Variants in ERMARD observed in about 807,000 individuals in gnomAD.
ERMARD encodes endoplasmic reticulum membrane-associated RNA degradation protein.
A neutral mutation model predicts 83.9 loss-of-function variants in ERMARD; 71 were observed. That is an observed-to-expected ratio of 0.85 (90% CI 0.70 to 1.03). ERMARD has a LOEUF of 1.03. Among genes scored for constraint, ERMARD ranks in the 50% least tolerant of loss-of-function variants. The probability of loss-of-function intolerance (pLI) is 0.00; values close to 1 mark genes in which losing one functional copy is unlikely to be tolerated. For synonymous variants in ERMARD, 284 were observed against 298.6 expected, an observed-to-expected ratio of 0.95 and a Z score of 0.50; for missense variants, 838 against 810.9, an observed-to-expected ratio of 1.03 and a Z score of -0.41.
intron 16 of ERMARD, among the ~76,000 whole-genome samples, chr6:169,778,501 G>T (rs1052726849): frequency 1.3e-5 from 2 of 152,186 alleles, no homozygotes; most frequent in Non-Finnish European, 2.9e-5. Flanking sequence ...GTATATTTTA[G>T]AATGTGCTAC....
intron 12 of ERMARD, among the ~76,000 whole-genome samples, chr6:169,772,885 G>A (rs1482533191): frequency 6.8e-6 from 1 of 147,764 alleles, no homozygotes; most frequent in Non-Finnish European, 1.5e-5. Flanking sequence ...GGATTTTTAA[G>A]TTATGTGGTT....
chr6:169,776,691 T>C lies in ERMARD; in HGVS notation c.1739+18T>C, dbSNP rs79997179. 122,698 of 1,611,756 alleles carry C rather than the reference T, an allele frequency of 0.076. 4,903 individuals are homozygous for C. Among genetic ancestry groups the C allele is most frequent in the East Asian group, 0.12 (5,464 of 44,856 alleles). On this transcript the variant is annotated intron_variant, in intron 16 of 17. Coordinates refer to ENST00000366773, the MANE Select transcript of ERMARD (RefSeq NM_018341.3). ...TGGAGTAGGTGCGCGCTCACTTTCC[T>C]GTTTTGGAGGGGCACTGTGGGGCAG...
intron 15 of ERMARD, 97 bp downstream of exon 15, chr6:169,776,162 GGTAGTAGTCT>G: frequency 6.4e-7 from 1 of 1,563,192 alleles, no homozygotes; most frequent in South Asian, 1.2e-5. Flanking sequence ...TTATAAACTT[GGTAGTAGTCT>G]TAGAATCCCA....
chr6:169,776,936 C>T (rs559461421), intron 16 of ERMARD, among the ~76,000 whole-genome samples: 7 of 152,174 alleles, frequency 4.6e-5, no homozygotes, highest in Admixed American at 2.0e-4. Context: ...ACCCCAGGTA[C>T]TTGGGGCGAA....
At chr6:169,769,461 T>C in intron 11 of ERMARD, 79 bp from the exon 12 acceptor site, 1 of 1,362,372 alleles carries the variant, frequency 7.3e-7, no homozygotes, top group Non-Finnish European at 9.8e-7. Context: ...ATGCACTCTT[T>C]CCTTCTATTC....
chr6:169,762,591 C>T (rs1190295495), intron 9 of ERMARD, 60 bp downstream of exon 9: 2 of 1,423,356 alleles, frequency 1.4e-6, no homozygotes, highest in African/African-American at 2.9e-5. Flanking sequence ...TTTTCTGTTA[C>T]CAATTAAAAG....
intron 9 of ERMARD, among the ~76,000 whole-genome samples, chr6:169,764,594 A>G (rs959055723): frequency 6.6e-6 from 1 of 151,926 alleles, no homozygotes; most frequent in African/African-American, 2.4e-5. Context: ...TTCTAAGCTG[A>G]TATTCTTACG....
chr6:169,772,748 CA>C (rs199712515), intron 12 of ERMARD, among the ~76,000 whole-genome samples: 13,315 of 107,408 alleles, frequency 0.12, 624 homozygotes, highest in Middle Eastern at 0.27. Flanking sequence ...CCAGCCTGGG[CA>C]AAAACAGTGA....
rs148450358 is a variant in ERMARD, at chr6:169,755,372, C to A, written c.265C>A (p.Gln89Lys). 742 of 1,614,136 alleles carry A rather than the reference C, an allele frequency of 4.6e-4. 9 individuals are homozygous for A. In the African/African-American group the frequency reaches 8.9e-3, roughly 19 times the overall value. ...HSHFLSLTKGQFEIRYAPWFQ... is the reference protein window; with the variant it reads ...HSHFLSLTKGKFEIRYAPWFQ... ...ACATTTCTTATCTCTGACCAAGGGG[C>A]AATTTGAAATTCGATATGCACCGTG... Residue 89 changes from glutamine to lysine, a missense_variant, in exon 3 of 18, where the codon CAA becomes AAA. Coordinates refer to ENST00000366773, the MANE Select transcript of ERMARD (RefSeq NM_018341.3).
In ERMARD at chr6:169,764,033, T is replaced by C. The variant is rs116659538; in HGVS notation, c.960+1502T>C. Among the ~76,000 whole-genome samples the C allele has an allele frequency of 9.2e-3, 1,396 of 152,328 alleles. 17 individuals are homozygous for C. Among genetic ancestry groups the C allele is most frequent in the African/African-American group, 0.031 (1,300 of 41,568 alleles). ...TGACGCTCCCTCTGTCATCTCAGCCTCACCAGCTGCAGACTCCAGCAGCGT... is the reference window on the plus strand; with the variant it reads ...TGACGCTCCCTCTGTCATCTCAGCCCCACCAGCTGCAGACTCCAGCAGCGT... On this transcript the variant is annotated intron_variant, in intron 9 of 17. Transcript: ENST00000366773.
chr6:169,765,418 T>C (rs1465506175), intron 9 of ERMARD, among the ~76,000 whole-genome samples: 1 of 152,260 alleles, frequency 6.6e-6, no homozygotes, highest in Non-Finnish European at 1.5e-5. Context: ...TCAGGACCAG[T>C]GGAAGATATG....
intron 13 of ERMARD, 127 bp downstream of exon 13, chr6:169,773,529 T>A: frequency 1.1e-6 from 1 of 880,294 alleles, no homozygotes; most frequent in Non-Finnish European, 1.8e-6. Context: ...TCCAGCTTTT[T>A]AACCAGTGCG....
chr6:169,772,966 G>A (rs9478106), intron 12 of ERMARD: 35,830 of 209,312 alleles, frequency 0.17, 3,797 homozygotes, highest in African/African-American at 0.32. Context: ...AAATGTTTAT[G>A]CGATCCTTTT....
chr6:169,775,879 C>T (rs1161287234), intron 14 of ERMARD, 61 bp from the exon 15 acceptor site: 60 of 1,584,750 alleles, frequency 3.8e-5, no homozygotes, highest in Admixed American at 3.5e-5. Context: ...CATTCTTGTG[C>T]ACAGGCACTG....
intron 17 of ERMARD, among the ~76,000 whole-genome samples, chr6:169,781,074 G>C (rs1794149556): frequency 6.6e-6 from 1 of 152,192 alleles, no homozygotes; most frequent in African/African-American, 2.4e-5. Context: ...GTCTGGGCTG[G>C]AGAAGAATGC....
chr6:169,773,860 C>T (rs1298461823), intron 13 of ERMARD, among the ~76,000 whole-genome samples: 1 of 152,166 alleles, frequency 6.6e-6, no homozygotes, highest in Non-Finnish European at 1.5e-5. Flanking sequence ...AGCTAAGGTG[C>T]TTTATTCTAC....
intron 11 of ERMARD, among the ~76,000 whole-genome samples, chr6:169,769,188 A>G (rs934446098): frequency 6.6e-6 from 1 of 152,240 alleles, no homozygotes; most frequent in Admixed American, 6.5e-5. Flanking sequence ...AGCAGATGAG[A>G]AAGTGCAGGG....
Position 169,769,502 on chromosome 6 carries a change from A to T in ERMARD, c.1060-38A>T, listed in dbSNP as rs1554237636. The T allele has an allele frequency of 3.8e-6, 6 of 1,564,436 alleles. No individual in the cohort carries two copies. The South Asian group carries it at 7.2e-5, about 19-fold the overall frequency. Reference sequence around the variant, plus strand: ...CACCAGGCACGTCTCTCTGCTGCGGATACTAACAAAATATTTTCTCTGTTT... The same window carrying T: ...CACCAGGCACGTCTCTCTGCTGCGGTTACTAACAAAATATTTTCTCTGTTT... On this transcript the variant is annotated intron_variant, in intron 11 of 17. Transcript: ENST00000366773.
chr6:169,778,895 C>T (rs984268286), intron 16 of ERMARD, among the ~76,000 whole-genome samples: 1 of 152,208 alleles, frequency 6.6e-6, no homozygotes, highest in East Asian at 1.9e-4. Context: ...GCCCTGTGAG[C>T]GTGCATGGCC....
Sources: gnomAD v4.1 joint callset for allele counts (sites outside exome capture counted in the v4.1 genomes callset) on GRCh38, gnomAD v4.1.1 for gene constraint, MANE v1.5 for transcripts, NCBI Gene and HGNC (gene_info 2026-07-23, HGNC 2026-07-21) for gene names.